The following SGCG variants were observed in gnomAD, a reference collection of about 807,000 sequenced individuals.
SGCG encodes gamma-sarcoglycan.
In SGCG, 26 loss-of-function variants were observed where a neutral mutation model predicts 29.3. The ratio of observed to expected loss-of-function variants is 0.89; its 90% CI spans 0.65 to 1.23. SGCG has a LOEUF of 1.23. Among genes scored for constraint, SGCG ranks in the 50% most tolerant of loss-of-function variants. SGCG has a pLI of 0.00. For missense variants in SGCG, 353 were observed against 356.0 expected, an observed-to-expected ratio of 0.99 and a Z score of 0.07; for synonymous variants, 145 against 129.7, an observed-to-expected ratio of 1.12 and a Z score of -0.80.
At chr13:23,168,838 C>G in the SGCG span, among the ~76,000 whole-genome samples, 1 of 151,974 alleles carries the variant, frequency 6.6e-6, no homozygotes, top group Non-Finnish European at 1.5e-5. Flanking sequence ...TCATATTTTA[C>G]CAAATCTAAG....
chr13:23,250,971 A>G (rs1879942675), intron 4 of SGCG, among the ~76,000 whole-genome samples: 1 of 152,234 alleles, frequency 6.6e-6, no homozygotes, highest in Admixed American at 6.5e-5. Context: ...TACAAGAAAC[A>G]AAATGTTTAT....
At chr13:23,299,437 TATA>T (rs1882046430) in intron 6 of SGCG, among the ~76,000 whole-genome samples, 11 of 19,584 alleles carry the variant, frequency 5.6e-4, no homozygotes, top group Admixed American at 1.1e-3. Context: ...TATATATATA[TATA>T]TATATATATA....
rs144258130 is a variant in SGCG, at chr13:23,310,078, CTTTTTTTT to C, written c.579-10539_579-10532del. Among the ~76,000 whole-genome samples, 3 of 60,766 alleles carry C rather than the reference CTTTTTTTT, an allele frequency of 4.9e-5. No individual in the cohort carries two copies. The East Asian group carries it at 2.9e-3, about 59-fold the overall frequency. 39.9% of individuals were successfully genotyped at this position (60,766 alleles called of 152,430 possible). ...CTTAGTATTTTTGCCTTGTTTTTCT[CTTTTTTTT>C]TTTTTTTTTTTTTTTTTTTAGACGG... is the stretch of plus-strand genomic sequence containing the variant. On this transcript the variant is annotated intron_variant, in intron 6 of 7. Transcript: ENST00000218867.
chr13:23,184,270 A>T (rs1593159456), intron 1 of SGCG, among the ~76,000 whole-genome samples: 1 of 152,328 alleles, frequency 6.6e-6, no homozygotes, highest in East Asian at 1.9e-4. Flanking sequence ...TGATACATTG[A>T]AATAACTTCC....
At chr13:23,171,096 C>T in the SGCG span, among the ~76,000 whole-genome samples, 1 of 152,148 alleles carries the variant, frequency 6.6e-6, no homozygotes, top group East Asian at 1.9e-4. Flanking sequence ...TTTATCGTAT[C>T]AGGCATATCA....
chr13:23,293,956 C>A (rs958213721), intron 5 of SGCG, among the ~76,000 whole-genome samples: 1 of 152,052 alleles, frequency 6.6e-6, no homozygotes, highest in Admixed American at 6.6e-5. Flanking sequence ...AATATTGAAA[C>A]TAGTACAAGG....
intron 6 of SGCG, among the ~76,000 whole-genome samples, chr13:23,308,265 A>C (rs561398): frequency 6.6e-6 from 1 of 151,690 alleles, no homozygotes; most frequent in Non-Finnish European, 1.5e-5. Context: ...TTCTTTAATC[A>C]GACAAGAAGT....
chr13:23,177,175 C>A (rs1263934887), upstream of SGCG, among the ~76,000 whole-genome samples: 1 of 151,978 alleles, frequency 6.6e-6, no homozygotes, highest in Non-Finnish European at 1.5e-5. Flanking sequence ...AGAAGTTGAT[C>A]TCCTAGAAGT....
chr13:23,217,608 G>A (rs1009531805), intron 2 of SGCG: 5 of 151,776 alleles, frequency 3.3e-5, no homozygotes, highest in African/African-American at 9.7e-5. Flanking sequence ...TCCTATGGTA[G>A]CTGCTCTCCT....
intron 5 of SGCG, among the ~76,000 whole-genome samples, chr13:23,288,653 C>T (rs1468747099): frequency 6.6e-6 from 1 of 152,154 alleles, no homozygotes; most frequent in African/African-American, 2.4e-5. Flanking sequence ...AAATTAGACA[C>T]CAAGTGGCCA....
At chr13:23,177,576 T>TC (rs993438920), upstream of SGCG, among the ~76,000 whole-genome samples, 3 of 141,560 alleles carry the variant, frequency 2.1e-5, no homozygotes, top group Non-Finnish European at 3.1e-5. Context: ...GGCTTTTTTT[T>TC]TTTTTTTTTT....
the SGCG span, among the ~76,000 whole-genome samples, chr13:23,172,544 T>A: frequency 1.3e-5 from 2 of 152,208 alleles, no homozygotes; most frequent in African/African-American, 2.4e-5. Context: ...CAGCCCTTAG[T>A]TCACGTCTAA....
intron 5 of SGCG, among the ~76,000 whole-genome samples, chr13:23,290,332 G>T (rs1004728480): frequency 2.4e-4 from 36 of 152,168 alleles, no homozygotes; most frequent in African/African-American, 7.7e-4. Context: ...TCAACCAACT[G>T]AGCTCCAAAA....
In SGCG at chr13:23,325,096, GAATA is replaced by G. The variant is rs1883187037; in HGVS notation, c.*559_*562del. The stretch of plus-strand genomic sequence containing the variant: ...TCTGGTTTTCAAGATGTAGTTAAAG[GAATA>G]AATCACTCAAAATTAAACTTTCTGT... On this transcript the variant is annotated 3_prime_UTR_variant, in exon 8 of 8. Transcript: ENST00000218867. The G allele has an allele frequency of 6.2e-6, 1 of 162,230 alleles. No homozygotes were observed. Among genetic ancestry groups the G allele is most frequent in the Admixed American group, 5.8e-5 (1 of 17,240 alleles). The allele number at this position is 162,230 out of a possible 1,614,324, so 10.0% of individuals were successfully genotyped here. A position where few individuals can be genotyped will look rare whatever the true frequency, so the allele number is the denominator to read the frequency against.
chr13:23,274,493 C>A (rs543930505), intron 4 of SGCG, among the ~76,000 whole-genome samples: 5 of 149,736 alleles, frequency 3.3e-5, no homozygotes, highest in East Asian at 3.9e-4. Flanking sequence ...AGCTCCACCC[C>A]CCAGGTGCAA....
chr13:23,302,705 CAAA>C (rs1170346544), intron 6 of SGCG, among the ~76,000 whole-genome samples: 4 of 151,914 alleles, frequency 2.6e-5, no homozygotes, highest in Non-Finnish European at 5.9e-5. Flanking sequence ...TTGATAGTAA[CAAA>C]AAGTAAAATT....
intron 6 of SGCG, among the ~76,000 whole-genome samples, chr13:23,297,396 G>A (rs540137294): frequency 3.0e-4 from 46 of 152,000 alleles, no homozygotes; most frequent in African/African-American, 9.4e-4. Flanking sequence ...TGACAGCCCC[G>A]AACAGAGATT....
chr13:23,277,437 T>C (rs888614770), intron 4 of SGCG, among the ~76,000 whole-genome samples: 1 of 151,270 alleles, frequency 6.6e-6, no homozygotes, highest in Admixed American at 6.6e-5. Context: ...AGATGTAACA[T>C]AGAGAAAAAA....
At chr13:23,271,219 GA>G (rs560463913) in intron 4 of SGCG, among the ~76,000 whole-genome samples, 1 of 151,172 alleles carries the variant, frequency 6.6e-6, no homozygotes, top group Non-Finnish European at 1.5e-5. Context: ...CTCCAAAAAA[GA>G]AAAAAAAGTC....
Sources: gnomAD v4.1 joint callset for allele counts (sites outside exome capture counted in the v4.1 genomes callset) on GRCh38, gnomAD v4.1.1 for gene constraint, MANE v1.5 for transcripts, NCBI Gene and HGNC (gene_info 2026-07-23, HGNC 2026-07-21) for gene names.